The following RFESD variants were observed in gnomAD, a reference collection of about 807,000 sequenced individuals.
RFESD encodes the protein Rieske domain-containing protein.
A neutral mutation model predicts 24.4 loss-of-function variants in RFESD; 16 were observed. The ratio of observed to expected loss-of-function variants is 0.66; its 90% CI spans 0.44 to 1.00. The LOEUF (loss-of-function observed/expected upper bound fraction) is 1.00, where lower values mean the gene tolerates loss of function less well. RFESD is among the 50% of genes least tolerant of loss of function. The pLI is 0.00. For missense variants in RFESD, 208 were observed against 247.0 expected, an observed-to-expected ratio of 0.84 and a Z score of 1.06; for synonymous variants, 59 against 81.8, an observed-to-expected ratio of 0.72 and a Z score of 1.50.
Position 95,653,229 on chromosome 5 carries a change from G to A in RFESD, c.158+15G>A. The stretch of plus-strand genomic sequence containing the variant: ...TTTTATCTGAGGTAAGAAAATGAAA[G>A]GTTTTCATTCATACCCACCTTCTCT... On this transcript the variant is annotated intron_variant, in intron 3 of 5. Coordinates refer to ENST00000380005, the MANE Select transcript of RFESD (RefSeq NM_001131066.2). 5.2e-6 allele frequency: 8 copies of A among 1,551,474 alleles called. No homozygotes were observed. Among genetic ancestry groups the A allele is most frequent in the Non-Finnish European group, 7.0e-6 (8 of 1,146,944 alleles).
rs938459022 is a variant in RFESD, at chr5:95,657,484, A to G, written c.*1175A>G. 2.3e-4 allele frequency: 35 copies of G among 152,042 alleles called. No individual in the cohort carries two copies. Among genetic ancestry groups the G allele is most frequent in the African/African-American group, 8.0e-4 (33 of 41,398 alleles). 9.4% of individuals were successfully genotyped at this position (152,042 alleles called of 1,614,324 possible). A position where few individuals can be genotyped will look rare whatever the true frequency, so the allele number is the denominator to read the frequency against. ...AGATGATGAATTCAGAGTGAGAAGA[A>G]CTGTCAAGATTGGAACCTAGTCTCA... On this transcript the variant is annotated 3_prime_UTR_variant, in exon 6 of 6. Transcript: ENST00000380005.
At position 95,654,359 on chromosome 5, in the gene RFESD, GAT is replaced by G. The variant is rs1750588569; in HGVS notation, c.365_366del (p.Ile122ArgfsTer4). 6.3e-7 allele frequency: 1 copy of G among 1,594,248 alleles called. No individual in the cohort carries two copies. Among genetic ancestry groups the G allele is most frequent in the Non-Finnish European group, 8.6e-7 (1 of 1,167,428 alleles). ...CTCAGGAGGACCTTTACATTTGGGA[GAT>G]ATAGAGGTATGTAAAATTAAATTTA... is the stretch of plus-strand genomic sequence containing the variant. Reference protein sequence around the residue: ...YHSGGPLHLGDIEDFDGRPCI... With the variant: ...YHSGGPLHLGXIEDFDGRPCI... On this transcript the variant is annotated frameshift_variant, in exon 5 of 6. Coordinates refer to ENST00000380005, the MANE Select transcript of RFESD (RefSeq NM_001131066.2). LOFTEE classifies it high-confidence loss of function.
At chr5:95,654,639 A>G (rs148162373) in intron 5 of RFESD, among the ~76,000 whole-genome samples, 18 of 152,312 alleles carry the variant, frequency 1.2e-4, no homozygotes, top group Non-Finnish European at 1.6e-4. Context: ...AAGGCAACCT[A>G]AATGTTTTAA....
At chr5:95,652,863 G>A in intron 2 of RFESD, 1 of 431,032 alleles carries the variant, frequency 2.3e-6, no homozygotes, top group Non-Finnish European at 4.0e-6. Context: ...TGATTTCTGG[G>A]CATCCATTGT....
At chr5:95,653,910 AT>A (rs1196940317) in intron 3 of RFESD, 150 bp from the exon 4 acceptor site, 1 of 588,130 alleles carries the variant, frequency 1.7e-6, no homozygotes, top group East Asian at 2.9e-5. Flanking sequence ...AATAATAATA[AT>A]CTAGTATTTA....
intron 1 of RFESD, among the ~76,000 whole-genome samples, 173 bp from the exon 2 acceptor site, chr5:95,651,964 C>T (rs911181874): frequency 1.3e-5 from 2 of 152,042 alleles, no homozygotes; most frequent in African/African-American, 4.8e-5. Flanking sequence ...AGTAAGTGAA[C>T]TTACAAAGAG....
At chr5:95,652,106 G>T (rs2112503760) in intron 1 of RFESD, 31 bp from the exon 2 acceptor site, 2 of 752,512 alleles carry the variant, frequency 2.7e-6, no homozygotes, top group South Asian at 5.8e-5. Context: ...TGGAATTTAT[G>T]TGGCCTCATT....
Position 95,657,464 on chromosome 5 carries a change from A to T in RFESD, c.*1155A>T, listed in dbSNP as rs1389970392. 6.6e-6 allele frequency: 1 copy of T among 151,800 alleles called. No homozygotes were observed. The highest frequency in any genetic ancestry group is 2.0e-4 in the East Asian group (1 of 5,108). The allele number at this position is 151,800 out of a possible 1,614,324, so 9.4% of individuals were successfully genotyped here. On this transcript the variant is annotated 3_prime_UTR_variant, in exon 6 of 6. Transcript: ENST00000380005. ...CAGAAATAGCTAAAATGAGTAGATG[A>T]TGAATTCAGAGTGAGAAGAACTGTC...
In RFESD at chr5:95,656,456, ATACT is replaced by A. The variant is rs1157059285; in HGVS notation, c.*150_*153del. On this transcript the variant is annotated 3_prime_UTR_variant, in exon 6 of 6. Coordinates refer to ENST00000380005, the MANE Select transcript of RFESD (RefSeq NM_001131066.2). ...ACATTTGAGAGGTTTAAGAGCACACATACTTAGTATGATGTAAGGATTATCATCA... is the reference window on the plus strand; with the variant it reads ...ACATTTGAGAGGTTTAAGAGCACACATAGTATGATGTAAGGATTATCATCA... The A allele has an allele frequency of 4.9e-6, 3 of 615,272 alleles. No individual in the cohort carries two copies. Among genetic ancestry groups the A allele is most frequent in the Non-Finnish European group, 2.8e-6 (1 of 352,792 alleles). 38.1% of individuals were successfully genotyped at this position (615,272 alleles called of 1,614,324 possible).
chr5:95,657,828 A>G lies in RFESD; in HGVS notation c.*1519A>G, dbSNP rs897661021. The stretch of plus-strand genomic sequence containing the variant: ...AAAATGTACTATCTCTCAGGAAGGT[A>G]CATCCCAGTCTATTCTATCATGTGA... On this transcript the variant is annotated 3_prime_UTR_variant, in exon 6 of 6. Coordinates refer to ENST00000380005, the MANE Select transcript of RFESD (RefSeq NM_001131066.2). The G allele has an allele frequency of 2.0e-5, 3 of 152,184 alleles. No homozygotes were observed. The highest frequency in any genetic ancestry group is 4.4e-5 in the Non-Finnish European group (3 of 68,016). 9.4% of individuals were successfully genotyped at this position (152,184 alleles called of 1,614,324 possible). A position where few individuals can be genotyped will look rare whatever the true frequency, so the allele number is the denominator to read the frequency against.
At chr5:95,653,354 C>A in intron 3 of RFESD, 140 bp downstream of exon 3, 1 of 1,206,534 alleles carries the variant, frequency 8.3e-7, no homozygotes, top group Non-Finnish European at 1.1e-6. Context: ...ACTATTCAGA[C>A]AATCAAAGAA....
chr5:95,649,423 G>T (rs1475706703), intron 1 of RFESD, among the ~76,000 whole-genome samples: 1 of 152,148 alleles, frequency 6.6e-6, no homozygotes, highest in East Asian at 1.9e-4. Context: ...GATGGGTTTT[G>T]TGTTGTTTTT....
At chr5:95,653,017 C>A in intron 2 of RFESD, 100 bp from the exon 3 acceptor site, 1 of 1,494,610 alleles carries the variant, frequency 6.7e-7, no homozygotes. Context: ...AACCTGGCTC[C>A]TGCCTGTTTA....
chr5:95,651,780 A>AT (rs945800950), intron 1 of RFESD, among the ~76,000 whole-genome samples: 1 of 152,084 alleles, frequency 6.6e-6, no homozygotes, highest in African/African-American at 2.4e-5. Flanking sequence ...CTTAGTCTTG[A>AT]TTTTTTTCCC....
intron 1 of RFESD, among the ~76,000 whole-genome samples, chr5:95,650,218 C>A (rs893638369): frequency 6.6e-6 from 1 of 151,570 alleles, no homozygotes; most frequent in African/African-American, 2.4e-5. Flanking sequence ...ACTTTTCTAT[C>A]CCCCCCTTTA....
chr5:95,655,519 C>T (rs1052061295), intron 5 of RFESD: 1 of 152,774 alleles, frequency 6.5e-6, no homozygotes, highest in African/African-American at 2.4e-5. Context: ...GAGAGACATG[C>T]ATTGAAACAA....
chr5:95,653,723 AC>A (rs1192259084), intron 3 of RFESD, among the ~76,000 whole-genome samples: 2 of 152,024 alleles, frequency 1.3e-5, no homozygotes, highest in Non-Finnish European at 2.9e-5. Context: ...ACACAGAGAA[AC>A]CTGTCTCTAC....
chr5:95,652,167 A>G lies in RFESD; in HGVS notation c.-105A>G. 1.4e-6 allele frequency: 2 copies of G among 1,405,684 alleles called. No homozygotes were observed. The highest frequency in any genetic ancestry group is 1.7e-5 in the South Asian group (1 of 58,682). 87.1% of individuals were successfully genotyped at this position (1,405,684 alleles called of 1,614,324 possible). On this transcript the variant is annotated 5_prime_UTR_variant, in exon 2 of 6. It adds an upstream start codon to the 5' untranslated region. Transcript: ENST00000380005. ...CACCTATTTGCAATTCAAGGAGAAT[A>G]TAAGACAGAGAAGAAAGCTGTGAAT...
At chr5:95,654,482 G>T in intron 5 of RFESD, 115 bp downstream of exon 5, 1 of 721,068 alleles carries the variant, frequency 1.4e-6, no homozygotes, top group South Asian at 2.0e-5. Context: ...AAGTATTCTG[G>T]GAATTCATAA....
Sources: gnomAD v4.1 joint callset for allele counts (sites outside exome capture counted in the v4.1 genomes callset) on GRCh38, gnomAD v4.1.1 for gene constraint, MANE v1.5 for transcripts, NCBI Gene and HGNC (gene_info 2026-07-23, HGNC 2026-07-21) for gene names.